ADGRB3: variants seen among roughly 807,000 people sequenced by gnomAD.
ADGRB3 encodes adhesion G protein-coupled receptor B3, also known as brain-specific angiogenesis inhibitor 3.
Under a neutral mutation model 193.4 loss-of-function variants are expected in ADGRB3, and 37 were observed. The ratio of observed to expected loss-of-function variants is 0.19; its 90% CI spans 0.15 to 0.25. The LOEUF is 0.25. Ranked by LOEUF, ADGRB3 falls within the 10% of genes least tolerant of loss-of-function variation. The pLI is 1.00. For missense variants in ADGRB3, 1,637 were observed against 1,852.9 expected (o/e 0.88, Z 2.14); for synonymous variants, 690 against 644.2 (o/e 1.07, Z -1.08).
chr6:68,768,301 C>T (rs1191302707), intron 3 of ADGRB3, among the ~76,000 whole-genome samples: 6 of 152,104 alleles, frequency 3.9e-5, no homozygotes, highest in South Asian at 2.1e-4. Flanking sequence ...TACTATAAGA[C>T]AACAGTAACC....
At chr6:69,044,278 T>A (rs1166389293) in intron 13 of ADGRB3, among the ~76,000 whole-genome samples, 5 of 152,170 alleles carry the variant, frequency 3.3e-5, no homozygotes, top group Admixed American at 3.3e-4. Flanking sequence ...ACTTTTTCTT[T>A]CACATGCCTT....
intron 16 of ADGRB3, among the ~76,000 whole-genome samples, chr6:69,068,039 G>C (rs1582436528): frequency 6.6e-6 from 1 of 152,146 alleles, no homozygotes; most frequent in South Asian, 2.1e-4. Flanking sequence ...TAATCTGAAA[G>C]CAGCCATTGA....
At chr6:68,792,160 A>G (rs1424296340) in intron 3 of ADGRB3, among the ~76,000 whole-genome samples, 1 of 152,168 alleles carries the variant, frequency 6.6e-6, no homozygotes, top group Non-Finnish European at 1.5e-5. Context: ...TTTACTCACA[A>G]ATTTCAAAAG....
At chr6:69,257,657 G>T (rs543803156) in intron 20 of ADGRB3, among the ~76,000 whole-genome samples, 226 of 152,206 alleles carry the variant, frequency 1.5e-3, no homozygotes, top group Non-Finnish European at 2.5e-3. Context: ...TACATGGATG[G>T]GGAAAAAAGT....
chr6:68,934,706 G>A (rs1767436716), intron 4 of ADGRB3, among the ~76,000 whole-genome samples: 1 of 151,930 alleles, frequency 6.6e-6, no homozygotes, highest in Non-Finnish European at 1.5e-5. Context: ...AAATTTACAT[G>A]CACATATACA....
At chr6:69,353,328 G>A (rs1769267217) in intron 26 of ADGRB3, among the ~76,000 whole-genome samples, 1 of 152,190 alleles carries the variant, frequency 6.6e-6, no homozygotes, top group South Asian at 2.1e-4. Flanking sequence ...GCTTTGCAAA[G>A]TGACTTTATT....
At chr6:68,904,876 C>A (rs11967200) in intron 3 of ADGRB3, among the ~76,000 whole-genome samples, 2,784 of 152,168 alleles carry the variant, frequency 0.018, 74 homozygotes, top group African/African-American at 0.064. Flanking sequence ...TCTAATGAAG[C>A]TTTATTATGA....
At chr6:68,855,869 T>G (rs1228552607) in intron 3 of ADGRB3, among the ~76,000 whole-genome samples, 1 of 152,056 alleles carries the variant, frequency 6.6e-6, no homozygotes, top group Non-Finnish European at 1.5e-5. Flanking sequence ...AAAATTTTCT[T>G]TAAAAATTAG....
chr6:68,751,592 T>C (rs1014135071), intron 3 of ADGRB3, among the ~76,000 whole-genome samples: 4 of 152,144 alleles, frequency 2.6e-5, no homozygotes, highest in African/African-American at 9.7e-5. Context: ...CTTATTAAAA[T>C]TTTCCCCATA....
intron 3 of ADGRB3, among the ~76,000 whole-genome samples, chr6:68,695,798 T>C (rs1326338950): frequency 4.0e-5 from 6 of 151,892 alleles, no homozygotes; most frequent in African/African-American, 1.2e-4. Context: ...ACAACACATA[T>C]AGGGATGACT....
intron 17 of ADGRB3, among the ~76,000 whole-genome samples, chr6:69,093,273 C>T (rs191570619): frequency 2.3e-4 from 33 of 145,910 alleles, no homozygotes; most frequent in East Asian, 1.7e-3. Context: ...CTTGGTTCAG[C>T]GGGAGAGGGT....
At chr6:69,325,851 A>G (rs1768556170) in intron 21 of ADGRB3, among the ~76,000 whole-genome samples, 1 of 152,234 alleles carries the variant, frequency 6.6e-6, no homozygotes, top group African/African-American at 2.4e-5. Flanking sequence ...AAGGTCTATT[A>G]TGTCTAGCTA....
chr6:68,866,947 A>G (rs1425802061), intron 3 of ADGRB3, among the ~76,000 whole-genome samples: 1 of 152,202 alleles, frequency 6.6e-6, no homozygotes, highest in Non-Finnish European at 1.5e-5. Context: ...GATGGTCTGA[A>G]ATTGGAACTT....
intron 3 of ADGRB3, among the ~76,000 whole-genome samples, chr6:68,809,953 T>C (rs934576603): frequency 3.3e-5 from 5 of 152,208 alleles, no homozygotes; most frequent in Non-Finnish European, 7.3e-5. Context: ...ATTTTTACTT[T>C]TCTGCAAAAG....
At chr6:68,813,120 A>G (rs1024785187) in intron 3 of ADGRB3, among the ~76,000 whole-genome samples, 3 of 152,050 alleles carry the variant, frequency 2.0e-5, no homozygotes, top group African/African-American at 4.8e-5. Context: ...TGTCTTTCCC[A>G]TGCTATTCTT....
chr6:68,681,423 G>C (rs574940972), intron 3 of ADGRB3, among the ~76,000 whole-genome samples: 2 of 152,190 alleles, frequency 1.3e-5, no homozygotes, highest in African/African-American at 4.8e-5. Context: ...AGGACTACAA[G>C]CATGTGCCAC....
At chr6:69,122,873 A>T (rs957986697) in intron 17 of ADGRB3, among the ~76,000 whole-genome samples, 2 of 152,074 alleles carry the variant, frequency 1.3e-5, no homozygotes, top group Non-Finnish European at 2.9e-5. Flanking sequence ...ACCTTGAGCT[A>T]GTTACTTCAT....
chr6:69,145,892 C>A (rs1034306777), intron 17 of ADGRB3, among the ~76,000 whole-genome samples: 4 of 152,044 alleles, frequency 2.6e-5, no homozygotes, highest in Non-Finnish European at 5.9e-5. Flanking sequence ...CTGGCTGAGT[C>A]TGGGGTTTTA....
chr6:69,146,220 G>A (rs1454978444), intron 17 of ADGRB3, among the ~76,000 whole-genome samples: 1 of 152,310 alleles, frequency 6.6e-6, no homozygotes, highest in Non-Finnish European at 1.5e-5. Flanking sequence ...GTCTGGAGGG[G>A]TCTAAATTGG....
Sources: gnomAD v4.1 joint callset for allele counts (sites outside exome capture counted in the v4.1 genomes callset) on GRCh38, gnomAD v4.1.1 for gene constraint, MANE v1.5 for transcripts, NCBI Gene and HGNC (gene_info 2026-07-23, HGNC 2026-07-21) for gene names.